The following BCO2 variants were observed in gnomAD, a reference collection of about 807,000 sequenced individuals.
BCO2 encodes the protein beta-carotene oxygenase 2.
A neutral mutation model predicts 65.8 loss-of-function variants in BCO2; 56 were observed. The ratio of observed to expected loss-of-function variants is 0.85; its 90% CI spans 0.69 to 1.06. The LOEUF (loss-of-function observed/expected upper bound fraction) is 1.06. Among genes scored for constraint, BCO2 ranks in the 50% least tolerant of loss-of-function variants. BCO2 has a pLI of 0.00. For missense variants in BCO2, 675 were observed against 698.5 expected (o/e 0.97, Z 0.38); for synonymous variants, 233 against 242.3 (o/e 0.96, Z 0.36).
At chr11:112,206,785 T>A (rs561471666) in intron 8 of BCO2, among the ~76,000 whole-genome samples, 142 of 152,338 alleles carry the variant, frequency 9.3e-4, no homozygotes, top group African/African-American at 3.1e-3. Flanking sequence ...ATTGCAACTG[T>A]AGATCAATTT....
At position 112,216,331 on chromosome 11, in the gene BCO2, G is replaced by A. The variant is rs755458928; in HGVS notation, c.1626+1G>A. 6.2e-7 allele frequency: 1 copy of A among 1,607,794 alleles called. No homozygotes were observed. The stretch of plus-strand genomic sequence containing the variant: ...TTCTGTGGTGATCACTCCCAACCAG[G>A]TAAATATATTTCCCTATCACCAGTC... On this transcript the variant is annotated splice_donor_variant, in intron 11 of 11. Transcript: ENST00000357685. LOFTEE classifies it high-confidence loss of function.
At chr11:112,188,621 C>T (rs1867275232) in intron 2 of BCO2, among the ~76,000 whole-genome samples, 1 of 152,200 alleles carries the variant, frequency 6.6e-6, no homozygotes, top group Non-Finnish European at 1.5e-5. Context: ...ACCCTTCCTC[C>T]TTCCATCATC....
In BCO2 at chr11:112,214,709, G is replaced by A. The variant is rs1592868786; in HGVS notation, c.1333-53G>A. On this transcript the variant is annotated intron_variant, in intron 9 of 11. Transcript: ENST00000357685. ...TGAGGCTCCTCACTGACCTACATAA[G>A]AGGAAAATAAGAATTAAGCAACCAC... The A allele has an allele frequency of 2.4e-5, 36 of 1,510,186 alleles. No homozygotes were observed. The East Asian group carries it at 6.3e-4, about 27-fold the overall frequency. 93.5% of individuals were successfully genotyped at this position (1,510,186 alleles called of 1,614,324 possible).
intron 2 of BCO2, among the ~76,000 whole-genome samples, chr11:112,185,616 A>T (rs1034901819): frequency 6.6e-6 from 1 of 152,190 alleles, no homozygotes; most frequent in Admixed American, 6.5e-5. Flanking sequence ...AAACAATTAC[A>T]GTTATATGTA....
chr11:112,216,808 A>G (rs1859690715), intron 11 of BCO2, among the ~76,000 whole-genome samples: 1 of 152,216 alleles, frequency 6.6e-6, no homozygotes, highest in African/African-American at 2.4e-5. Flanking sequence ...AACACTATGC[A>G]CTATCTGACT....
At chr11:112,209,539 G>A (rs1031073832) in intron 8 of BCO2, among the ~76,000 whole-genome samples, 16 of 152,162 alleles carry the variant, frequency 1.1e-4, no homozygotes, top group Non-Finnish European at 1.9e-4. Context: ...TTGTTAGCAC[G>A]TTTTGTGTGG....
At chr11:112,184,321 C>T (rs968520975) in intron 2 of BCO2, among the ~76,000 whole-genome samples, 9 of 151,086 alleles carry the variant, frequency 6.0e-5, no homozygotes, top group South Asian at 4.2e-4. Flanking sequence ...GGTGCAACCT[C>T]GGCTCACTGC....
At chr11:112,212,792 C>T (rs182698634) in intron 8 of BCO2, among the ~76,000 whole-genome samples, 128 of 152,260 alleles carry the variant, frequency 8.4e-4, no homozygotes, top group African/African-American at 2.7e-3. Flanking sequence ...GTTCCAGATC[C>T]TCAAGGGAAT....
At chr11:112,187,221 C>T (rs1867226271) in intron 2 of BCO2, among the ~76,000 whole-genome samples, 1 of 152,150 alleles carries the variant, frequency 6.6e-6, no homozygotes, top group Admixed American at 6.5e-5. Flanking sequence ...TTAATTTCTT[C>T]TCCCTGGCCC....
intron 1 of BCO2, among the ~76,000 whole-genome samples, chr11:112,178,635 A>G (rs1051332491): frequency 3.3e-5 from 5 of 152,250 alleles, no homozygotes; most frequent in African/African-American, 4.8e-5. Flanking sequence ...TTATACAACT[A>G]TGATTTTTAC....
At chr11:112,216,195 C>T in intron 10 of BCO2, 25 bp from the exon 11 acceptor site, 1 of 1,551,990 alleles carries the variant, frequency 6.4e-7, no homozygotes, top group Non-Finnish European at 8.9e-7. Context: ...TGCCTTTTAT[C>T]AAATGCTTTT....
At chr11:112,207,571 A>G (rs1421380134) in intron 8 of BCO2, among the ~76,000 whole-genome samples, 5 of 152,204 alleles carry the variant, frequency 3.3e-5, no homozygotes, top group Admixed American at 6.5e-5. Context: ...AAAAGTCTTA[A>G]GGTTTAGTGT....
At position 112,194,736 on chromosome 11, in the gene BCO2, G is replaced by A. The variant is rs1780179867; in HGVS notation, c.717G>A (p.Gly239=). ...TGGATGGAACAGCATACAATATGGGGAACTCCTTTGGGCCATATGGTAAAG... is the reference window on the plus strand; with the variant it reads ...TGGATGGAACAGCATACAATATGGGAAACTCCTTTGGGCCATATGGTAAAG... ...YDLDGTAYNM[G]NSFGPYGFSY... is the part of the protein sequence containing the mutation. The change falls in exon 5 of 12, where the codon GGG becomes GGA. Residue 239 remains glycine, a synonymous_variant. Coordinates refer to ENST00000357685, the MANE Select transcript of BCO2 (RefSeq NM_031938.7). 4 of 1,607,096 alleles carry A rather than the reference G, an allele frequency of 2.5e-6. No homozygotes were observed. The highest frequency in any genetic ancestry group is 3.4e-6 in the Non-Finnish European group (4 of 1,174,162).
chr11:112,184,049 A>T (rs548720088), intron 2 of BCO2, among the ~76,000 whole-genome samples: 260 of 152,360 alleles, frequency 1.7e-3, no homozygotes, highest in Middle Eastern at 3.4e-3. Context: ...GCATAGGAAG[A>T]TACTTCAAAA....
chr11:112,209,618 T>C lies in BCO2; in HGVS notation c.1195-4106T>C, dbSNP rs377731661. Among the ~76,000 whole-genome samples the C allele has an allele frequency of 4.6e-5, 7 of 152,328 alleles. No individual in the cohort carries two copies. In the South Asian group the frequency reaches 1.0e-3, roughly 23 times the overall value. On this transcript the variant is annotated intron_variant, in intron 8 of 11. Transcript: ENST00000357685. ...CCTTTTACTCCTAGTTTACTGAGAT[T>C]TTTTGTCATGAATGGATGTTGGACT...
chr11:112,190,967 GT>G (rs1395224184), intron 2 of BCO2, among the ~76,000 whole-genome samples: 1 of 148,816 alleles, frequency 6.7e-6, no homozygotes, highest in Non-Finnish European at 1.5e-5. Flanking sequence ...CTTGGTATAT[GT>G]ATATAATATA....
chr11:112,208,740 C>T (rs376832057), intron 8 of BCO2: 13 of 200,442 alleles, frequency 6.5e-5, no homozygotes, highest in African/African-American at 2.1e-4. Flanking sequence ...AACCATCTCA[C>T]GATTCTGCAA....
intron 4 of BCO2, 136 bp downstream of exon 4, chr11:112,194,130 G>A (rs897029226): frequency 3.2e-6 from 2 of 619,846 alleles, no homozygotes; most frequent in Non-Finnish European, 5.7e-6. Flanking sequence ...CATGATGCAG[G>A]TCACCTTTAC....
In BCO2 at chr11:112,217,943, A is replaced by G; in HGVS notation, c.*69A>G. ...GCACTTGGACATAAAGACTGGAGAA[A>G]TAAACACTGAGGACTCCAAAAGGGG... On this transcript the variant is annotated 3_prime_UTR_variant, in exon 12 of 12. Coordinates refer to ENST00000357685, the MANE Select transcript of BCO2 (RefSeq NM_031938.7). The G allele has an allele frequency of 8.6e-7, 1 of 1,168,844 alleles. No individual in the cohort carries two copies. Among genetic ancestry groups the G allele is most frequent in the South Asian group, 1.4e-5 (1 of 73,734 alleles). The allele number at this position is 1,168,844 out of a possible 1,614,324, so 72.4% of individuals were successfully genotyped here. A position where few individuals can be genotyped will look rare whatever the true frequency, so the allele number is the denominator to read the frequency against.
Sources: allele counts gnomAD v4.1 joint callset (sites outside exome capture counted in the v4.1 genomes callset), GRCh38; gene constraint gnomAD v4.1.1; transcripts MANE v1.5; gene names NCBI Gene and HGNC (gene_info 2026-07-23, HGNC 2026-07-21).